The following PROSER2 variants were observed in gnomAD, a reference collection of about 807,000 sequenced individuals.
PROSER2 encodes the protein proline and serine-rich protein 2.
A neutral mutation model predicts 14.6 loss-of-function variants in PROSER2; 18 were observed. The ratio of observed to expected loss-of-function variants is 1.23; its 90% CI spans 0.85 to 1.83. The LOEUF (loss-of-function observed/expected upper bound fraction) is 1.83, where lower values mean the gene tolerates loss of function less well. Ranked by LOEUF, PROSER2 falls within the 40% of genes most tolerant of loss-of-function variation. PROSER2 has a pLI of 0.00. For synonymous variants in PROSER2, 367 were observed against 286.4 expected (o/e 1.28, Z -2.84); for missense variants, 823 against 629.8 (o/e 1.31, Z -3.28).
intron 1 of PROSER2, among the ~76,000 whole-genome samples, chr10:11,847,166 T>A (rs529767959): frequency 0.018 from 2,312 of 130,252 alleles, 72 homozygotes; most frequent in African/African-American, 0.055. Flanking sequence ...TATATATATA[T>A]ATATATATAT....
rs1235125061 is a variant in PROSER2, at chr10:11,856,985, T to C, written c.138+4770T>C. On this transcript the variant is annotated intron_variant, in intron 2 of 3. Transcript: ENST00000277570. The surrounding 1 kb of genome is among the most constrained non-coding windows in gnomAD (Gnocchi z 5.3). ...TCTCACCCAGCTGGAATCCAAATGG[T>C]CCTGGTCAAACAGCTGCTTTAAAAC... 6.6e-6 allele frequency among the ~76,000 whole-genome samples: 1 copy of C among 152,212 alleles called. No homozygotes were observed. The highest frequency in any genetic ancestry group is 1.5e-5 in the Non-Finnish European group (1 of 68,038).
chr10:11,850,746 G>A (rs1336456244), intron 1 of PROSER2: 1 of 152,196 alleles, frequency 6.6e-6, no homozygotes, highest in Non-Finnish European at 1.5e-5. Context: ...GGTAATGCTT[G>A]AAGTCTTAAA....
chr10:11,853,785 A>G (rs991988373), intron 2 of PROSER2, among the ~76,000 whole-genome samples: 1 of 152,172 alleles, frequency 6.6e-6, no homozygotes, highest in Non-Finnish European at 1.5e-5. Context: ...GTGAGGTGGT[A>G]AAAGGGAACA....
Position 11,837,557 on chromosome 10 carries a change from G to A in PROSER2, c.-82+14087G>A, listed in dbSNP as rs1017718098. Among the ~76,000 whole-genome samples, 1 of 152,186 alleles carries A rather than the reference G, an allele frequency of 6.6e-6. No individual in the cohort carries two copies. Among genetic ancestry groups the A allele is most frequent in the African/African-American group, 2.4e-5 (1 of 41,442 alleles). ...CAGCCTGGACCTGTTTTTGTGAAGT[G>A]TTTGCAATGGCAATGAGTTGCGTAA... On this transcript the variant is annotated intron_variant, in intron 1 of 3. Coordinates refer to ENST00000277570, the MANE Select transcript of PROSER2 (RefSeq NM_153256.4). The surrounding 1 kb of genome is among the most constrained non-coding windows in gnomAD (Gnocchi z 4.6).
chr10:11,835,080 C>G (rs1217232552), intron 1 of PROSER2, among the ~76,000 whole-genome samples: 2 of 149,718 alleles, frequency 1.3e-5, no homozygotes, highest in Admixed American at 6.7e-5. Flanking sequence ...GCACTCCAGC[C>G]TGGGCGACAG....
intron 1 of PROSER2, chr10:11,851,236 G>GC (rs1281610711): frequency 6.6e-6 from 1 of 152,168 alleles, no homozygotes; most frequent in Non-Finnish European, 1.5e-5. Context: ...AGCCAGGGTT[G>GC]GGGGGGCAGT....
chr10:11,834,914 C>T (rs1833739347), intron 1 of PROSER2, among the ~76,000 whole-genome samples: 1 of 151,918 alleles, frequency 6.6e-6, no homozygotes, highest in East Asian at 1.9e-4. Flanking sequence ...CGAAACCAGC[C>T]TGGCCAACAT....
Position 11,848,159 on chromosome 10 carries a change from T to G in PROSER2, c.-81-3838T>G, listed in dbSNP as rs1367385758. On this transcript the variant is annotated intron_variant, in intron 1 of 3. Transcript: ENST00000277570. ...CTGGTTTGTTTTTGTTTTGTTTTGTTTTTGTTTGTTTGTTTGTTTTGTATT... is the reference window on the plus strand; with the variant it reads ...CTGGTTTGTTTTTGTTTTGTTTTGTGTTTGTTTGTTTGTTTGTTTTGTATT... 2.6e-5 allele frequency among the ~76,000 whole-genome samples: 4 copies of G among 151,848 alleles called. 1 individual carries two copies. The highest frequency in any genetic ancestry group is 4.1e-4 in the South Asian group (2 of 4,822).
At chr10:11,854,461 A>C (rs1369976738) in intron 2 of PROSER2, among the ~76,000 whole-genome samples, 1 of 152,066 alleles carries the variant, frequency 6.6e-6, no homozygotes, top group East Asian at 1.9e-4. Context: ...TTGCAGCAGC[A>C]CCACACCTGG....
intron 1 of PROSER2, among the ~76,000 whole-genome samples, chr10:11,849,284 T>C (rs545999173): frequency 1.3e-5 from 2 of 152,312 alleles, no homozygotes; most frequent in South Asian, 4.1e-4. Flanking sequence ...GCACTGAACA[T>C]TGTTACATAT....
chr10:11,866,581 G>GT lies in PROSER2; in HGVS notation c.195dup (p.Glu66Ter). On this transcript the variant is annotated frameshift_variant, in exon 3 of 4. Coordinates refer to ENST00000277570, the MANE Select transcript of PROSER2 (RefSeq NM_153256.4). LOFTEE classifies it high-confidence loss of function. This position sits in a 1 kb window ranked among gnomAD's most constrained non-coding sequence, Gnocchi z 6.0. ...CCCATGAGGAAAAGGATGTGCTCCT[G>GT]TTTTTTGAAGAGACGATTGACTCCC... is the stretch of plus-strand genomic sequence containing the variant. 6.2e-7 allele frequency: 1 copy of GT among 1,614,192 alleles called. No homozygotes were observed. The highest frequency in any genetic ancestry group is 8.5e-7 in the Non-Finnish European group (1 of 1,180,022).
At chr10:11,843,161 T>C (rs541955171) in intron 1 of PROSER2, among the ~76,000 whole-genome samples, 33 of 149,910 alleles carry the variant, frequency 2.2e-4, no homozygotes, top group South Asian at 6.3e-4. Context: ...AGGATGGTCT[T>C]GATCTCCTGA....
At chr10:11,851,182 C>G (rs1298326459) in intron 1 of PROSER2, 1 of 152,262 alleles carries the variant, frequency 6.6e-6, no homozygotes, top group African/African-American at 2.4e-5. Flanking sequence ...TGCCACTGCA[C>G]TCCAGCCTGG....
chr10:11,866,653 C>T lies in PROSER2; in HGVS notation c.261C>T (p.Cys87=), dbSNP rs774674665. The part of the protein sequence containing the change: ...EEPVLCDGGV[C]CLCSPSLEES... ...CAGTGCTGTGCGATGGAGGAGTGTG[C>T]TGCCTCTGCTCCCCGTCTCTGGAGG... Residue 87 remains cysteine (C), a synonymous_variant, in exon 3 of 4, where the codon TGC becomes TGT. Transcript: ENST00000277570. The surrounding 1 kb of genome is among the most constrained non-coding windows in gnomAD (Gnocchi z 6.0). 6.2e-7 allele frequency: 1 copy of T among 1,614,210 alleles called. No individual in the cohort carries two copies. The highest frequency in any genetic ancestry group is 8.5e-7 in the Non-Finnish European group (1 of 1,180,036).
At chr10:11,834,025 C>T (rs1173046725) in intron 1 of PROSER2, among the ~76,000 whole-genome samples, 7 of 129,174 alleles carry the variant, frequency 5.4e-5, no homozygotes, top group East Asian at 2.3e-4. Flanking sequence ...GATAGAGTCT[C>T]GCTCTGTCGC....
At chr10:11,831,536 T>C (rs541930026) in intron 1 of PROSER2, 1 of 152,326 alleles carries the variant, frequency 6.6e-6, no homozygotes, top group East Asian at 1.9e-4. Context: ...AACATTTCTT[T>C]TTTCAATTTT....
chr10:11,844,472 A>C (rs1271394084), intron 1 of PROSER2, among the ~76,000 whole-genome samples: 1 of 152,240 alleles, frequency 6.6e-6, no homozygotes, highest in African/African-American at 2.4e-5. Flanking sequence ...TTTCTTATGC[A>C]TGTAACAACA....
At chr10:11,840,626 C>G (rs1437955264) in intron 1 of PROSER2, among the ~76,000 whole-genome samples, 1 of 151,668 alleles carries the variant, frequency 6.6e-6, no homozygotes, top group Non-Finnish European at 1.5e-5. Flanking sequence ...TTTTAGTAGC[C>G]TCAAAATTAG....
At chr10:11,851,892 G>T (rs1053894223) in intron 1 of PROSER2, 105 bp from the exon 2 acceptor site, 1 of 495,066 alleles carries the variant, frequency 2.0e-6, no homozygotes, top group Admixed American at 4.3e-5. Flanking sequence ...TACCCTAATG[G>T]TCGAGTCTGA....
Sources: allele counts gnomAD v4.1 joint callset (sites outside exome capture counted in the v4.1 genomes callset), GRCh38; gene constraint gnomAD v4.1.1; non-coding constraint Gnocchi (gnomAD v3.1); transcripts MANE v1.5; gene names NCBI Gene and HGNC (gene_info 2026-07-23, HGNC 2026-07-21).